The following CTNNA2 variants were observed in gnomAD, a reference collection of about 807,000 sequenced individuals.
CTNNA2 encodes the protein catenin alpha 2, also known as catenin alpha-2.
A neutral mutation model predicts 101.0 loss-of-function variants in CTNNA2; 42 were observed. The observed-to-expected ratio is 0.42, with a 90% CI of 0.32 to 0.54. CTNNA2 has a LOEUF of 0.54. Ranked by LOEUF, CTNNA2 falls within the 20% of genes least tolerant of loss-of-function variation. The pLI, the probability that CTNNA2 is intolerant of heterozygous loss-of-function variation, is 0.14. For synonymous variants in CTNNA2, 450 were observed against 456.4 expected (o/e 0.99, Z 0.18); for missense variants, 871 against 1,223.1 (o/e 0.71, Z 4.29).
chr2:79,357,193 G>A (rs1444074870), intron 3 of CTNNA2, among the ~76,000 whole-genome samples: 1 of 152,098 alleles, frequency 6.6e-6, no homozygotes, highest in Non-Finnish European at 1.5e-5. Context: ...AAGTGTGGTG[G>A]CATGCACCTG....
chr2:80,090,555 T>C (rs1471867907), intron 7 of CTNNA2, among the ~76,000 whole-genome samples: 1 of 152,072 alleles, frequency 6.6e-6, no homozygotes, highest in African/African-American at 2.4e-5. Flanking sequence ...AAGTGGCTCA[T>C]GGGGCTCTTT....
chr2:79,790,538 C>A (rs1368886298), intron 3 of CTNNA2, among the ~76,000 whole-genome samples: 1 of 152,080 alleles, frequency 6.6e-6, no homozygotes, highest in Non-Finnish European at 1.5e-5. Context: ...AAATAAATGA[C>A]CTTCTAAGAT....
intron 9 of CTNNA2, among the ~76,000 whole-genome samples, chr2:80,471,559 C>A (rs1685305182): frequency 6.6e-6 from 1 of 152,086 alleles, no homozygotes. Flanking sequence ...AGGAAGGAAC[C>A]AAGAAGAGGC....
intron 9 of CTNNA2, among the ~76,000 whole-genome samples, chr2:80,474,929 C>G (rs1685604560): frequency 2.6e-5 from 4 of 152,048 alleles, no homozygotes; most frequent in Admixed American, 2.6e-4. Context: ...AGGTCAAACC[C>G]AAGATGACTT....
intron 18 of CTNNA2, among the ~76,000 whole-genome samples, chr2:80,646,766 C>G (rs759506426): frequency 3.9e-5 from 6 of 152,030 alleles, no homozygotes; most frequent in Non-Finnish European, 5.9e-5. Context: ...TGTGACTTGT[C>G]TTGGCATTTT....
chr2:80,626,745 G>C (rs1016872340), intron 18 of CTNNA2, among the ~76,000 whole-genome samples: 1 of 151,860 alleles, frequency 6.6e-6, no homozygotes, highest in African/African-American at 2.4e-5. Flanking sequence ...TTTAAGTTCT[G>C]GGGTACATGT....
At chr2:79,789,866 C>A (rs575097854) in intron 3 of CTNNA2, among the ~76,000 whole-genome samples, 1 of 152,090 alleles carries the variant, frequency 6.6e-6, no homozygotes, top group Non-Finnish European at 1.5e-5. Flanking sequence ...TCCTGGCTAT[C>A]TGGGGAGAGG....
chr2:79,764,694 A>G (rs1324463045), intron 3 of CTNNA2, among the ~76,000 whole-genome samples: 2 of 152,240 alleles, frequency 1.3e-5, no homozygotes, highest in Admixed American at 6.5e-5. Context: ...TCCAGTAAAA[A>G]GGAAAAATAA....
chr2:80,155,507 C>A lies in CTNNA2; in HGVS notation c.1057-237704C>A, dbSNP rs1369601239. Among the ~76,000 whole-genome samples the A allele has an allele frequency of 2.0e-5, 3 of 152,292 alleles. No individual in the cohort carries two copies. The South Asian group carries it at 6.2e-4, about 32-fold the overall frequency. ...CTTCCTTTCCTTCCCACCTCCCTCC[C>A]CAGTTACTTGCTTGCCAGTGACTTC... On this transcript the variant is annotated intron_variant, in intron 7 of 18. Transcript: ENST00000402739.
chr2:80,299,869 G>A (rs1308668036), intron 7 of CTNNA2, among the ~76,000 whole-genome samples: 2 of 152,158 alleles, frequency 1.3e-5, no homozygotes, highest in Non-Finnish European at 1.5e-5. Flanking sequence ...AATGCACCAA[G>A]CCAAAGCAGC....
chr2:79,345,147 C>T (rs1677233694), intron 3 of CTNNA2, among the ~76,000 whole-genome samples: 1 of 150,072 alleles, frequency 6.7e-6, no homozygotes, highest in Admixed American at 6.7e-5. Context: ...ACAAATAAAA[C>T]ATTATAGTAT....
intron 18 of CTNNA2, among the ~76,000 whole-genome samples, chr2:80,628,303 G>C (rs567279947): frequency 5.9e-5 from 9 of 151,974 alleles, no homozygotes; most frequent in African/African-American, 1.4e-4. Context: ...AGCCCACATA[G>C]CCAAGACAAT....
intron 2 of CTNNA2, among the ~76,000 whole-genome samples, chr2:79,735,606 C>G (rs1670818890): frequency 2.0e-5 from 3 of 152,200 alleles, no homozygotes; most frequent in Admixed American, 2.0e-4. Flanking sequence ...AACTGAGTTA[C>G]AAGGCTTGCC....
intron 7 of CTNNA2, among the ~76,000 whole-genome samples, chr2:79,976,789 C>T (rs922341045): frequency 6.6e-6 from 1 of 152,162 alleles, no homozygotes; most frequent in African/African-American, 2.4e-5. Context: ...GAGTGTTTGG[C>T]CAGTTCCTTC....
chr2:79,396,091 T>G (rs1678226899), intron 4 of CTNNA2, among the ~76,000 whole-genome samples: 1 of 152,206 alleles, frequency 6.6e-6, no homozygotes, highest in Admixed American at 6.5e-5. Context: ...GAGTTTGTTG[T>G]TTTATTTTTT....
intron 4 of CTNNA2, among the ~76,000 whole-genome samples, chr2:79,491,331 T>C (rs1217343553): frequency 4.6e-5 from 7 of 152,188 alleles, no homozygotes; most frequent in Admixed American, 3.3e-4. Flanking sequence ...CCAGGACTCA[T>C]ATGCAGCTTA....
At chr2:79,772,989 TTAGA>T (rs573518401) in intron 3 of CTNNA2, among the ~76,000 whole-genome samples, 72 of 152,308 alleles carry the variant, frequency 4.7e-4, no homozygotes, top group African/African-American at 1.7e-3. Flanking sequence ...CACTCTGGGA[TTAGA>T]TAGGTTTAGG....
At position 79,195,484 on chromosome 2, in the gene CTNNA2, C is replaced by T. The variant is rs370100697; in HGVS notation, c.-523-2475C>T. ...TGATTAGGCTTTAACAGCAAGATCG[C>T]TTTTACAACCACACCCTCCCACCAG... On this transcript the variant is annotated intron_variant, in intron 1 of 21. Transcript: ENST00000466387. Among the ~76,000 whole-genome samples the T allele has an allele frequency of 1.8e-4, 28 of 152,288 alleles. No homozygotes were observed. The East Asian group carries it at 5.2e-3, about 28-fold the overall frequency.
intron 18 of CTNNA2, among the ~76,000 whole-genome samples, chr2:80,622,006 G>T (rs1671176637): frequency 6.6e-6 from 1 of 151,898 alleles, no homozygotes; most frequent in Non-Finnish European, 1.5e-5. Context: ...AGCGTTCCAG[G>T]TCTTCAAGAC....
Sources: allele counts gnomAD v4.1 joint callset (sites outside exome capture counted in the v4.1 genomes callset), GRCh38; gene constraint gnomAD v4.1.1; transcripts MANE v1.5; gene names NCBI Gene and HGNC (gene_info 2026-07-23, HGNC 2026-07-21).